Variants in KDM1A observed in about 807,000 individuals in gnomAD.
The protein encoded by KDM1A is lysine-specific histone demethylase 1A.
KDM1A carries 49 observed loss-of-function variants against 109.4 expected under a neutral mutation model. The ratio of observed to expected loss-of-function variants is 0.45; its 90% CI spans 0.36 to 0.57. The LOEUF (loss-of-function observed/expected upper bound fraction) is 0.57, where lower values mean the gene tolerates loss of function less well. Ranked by LOEUF, KDM1A falls within the 20% of genes least tolerant of loss-of-function variation. The pLI is 0.00. For synonymous variants in KDM1A, 380 were observed against 415.4 expected (o/e 0.91, Z 1.04); for missense variants, 668 against 1,116.6 (o/e 0.60, Z 5.73).
rs1557599843 is a variant in KDM1A at position 23,079,317 on chromosome 1, AGTT to A, written c.2055+142_2055+144del. The stretch of plus-strand genomic sequence containing the variant: ...TGTGACATCAGGGCTGAGGCGTGTC[AGTT>A]GATTCTCTTCAGTGCCTAAGTCTAT... On this transcript the variant is annotated intron_variant, in intron 17 of 20. Transcript: ENST00000400181. The surrounding 1 kb of genome is among the most constrained non-coding windows in gnomAD (Gnocchi z 5.6). 4.8e-6 allele frequency: 4 copies of A among 826,320 alleles called. No homozygotes were observed. Among genetic ancestry groups the A allele is most frequent in the Non-Finnish European group, 3.8e-6 (2 of 528,762 alleles). 51.2% of individuals were successfully genotyped at this position (826,320 alleles called of 1,614,324 possible).
chr1:23,026,394 GTT>G (rs754619806), intron 1 of KDM1A, among the ~76,000 whole-genome samples: 3,217 of 61,546 alleles, frequency 0.052, 50 homozygotes, highest in Non-Finnish European at 0.096. Context: ...TTGTCTGTTT[GTT>G]TTTTTTTTTT....
At chr1:23,027,283 T>C (rs1204244652) in intron 1 of KDM1A, among the ~76,000 whole-genome samples, 1 of 152,100 alleles carries the variant, frequency 6.6e-6, no homozygotes, top group African/African-American at 2.4e-5. Context: ...TCCATTTTTT[T>C]CCCCCAGCGA....
chr1:23,055,236 A>G, intron 6 of KDM1A, 75 bp downstream of exon 6: 1 of 750,840 alleles, frequency 1.3e-6, no homozygotes. Flanking sequence ...TATATCTATG[A>G]TGACGTTAGG....
At chr1:23,053,949 T>C (rs757240644) in intron 5 of KDM1A, 110 bp downstream of exon 5, 3 of 680,628 alleles carry the variant, frequency 4.4e-6, no homozygotes, top group Non-Finnish European at 8.0e-6. Context: ...CATATTTCCA[T>C]GTTATTTCAC....
intron 3 of KDM1A, among the ~76,000 whole-genome samples, chr1:23,046,302 C>T (rs557044755): frequency 1.3e-5 from 2 of 152,208 alleles, no homozygotes; most frequent in South Asian, 4.1e-4. Flanking sequence ...ATTCTCTTTT[C>T]GTTTTCTCTC....
chr1:23,022,497 G>A (rs939872114), intron 1 of KDM1A, among the ~76,000 whole-genome samples: 3 of 151,526 alleles, frequency 2.0e-5, no homozygotes, highest in Non-Finnish European at 2.9e-5. Flanking sequence ...CACCATGCCC[G>A]GCTAACTTTG....
In KDM1A at chr1:23,022,917, C is replaced by G. The variant is rs144396202; in HGVS notation, c.351+2970C>G. Among the ~76,000 whole-genome samples, 9 of 152,256 alleles carry G rather than the reference C, an allele frequency of 5.9e-5. No homozygotes were observed. The East Asian group carries it at 1.7e-3, about 29-fold the overall frequency. On this transcript the variant is annotated intron_variant, in intron 1 of 20. Coordinates refer to ENST00000400181, the MANE Select transcript of KDM1A (RefSeq NM_001009999.3). ...CAAGCCATCCACCCACATCGGCCTC[C>G]CAAAGTGCTGGGATTACAGGTGGAG...
intron 1 of KDM1A, among the ~76,000 whole-genome samples, chr1:23,027,089 G>A (rs1420632093): frequency 6.6e-6 from 1 of 151,742 alleles, no homozygotes; most frequent in African/African-American, 2.4e-5. Context: ...TATTAAATGA[G>A]GAAAGCCTTT....
chr1:23,063,856 G>C (rs186952031), intron 9 of KDM1A, among the ~76,000 whole-genome samples: 3 of 152,132 alleles, frequency 2.0e-5, no homozygotes, highest in East Asian at 1.9e-4. Flanking sequence ...GGGTGGGAGT[G>C]GGGGGAAGAC....
At chr1:23,026,459 G>T (rs1323123608) in intron 1 of KDM1A, among the ~76,000 whole-genome samples, 6 of 150,334 alleles carry the variant, frequency 4.0e-5, no homozygotes, top group Non-Finnish European at 8.9e-5. Context: ...GCCCGATCAT[G>T]GCTCACTGCA....
Position 23,059,294 on chromosome 1 carries a change from G to T in KDM1A, c.1167+127G>T. 3.9e-6 allele frequency: 3 copies of T among 763,232 alleles called. No homozygotes were observed. The South Asian group carries it at 4.2e-5, about 11-fold the overall frequency. The allele number at this position is 763,232 out of a possible 1,614,324, so 47.3% of individuals were successfully genotyped here. ...AGGTGTATATATATATAAACTGAGG[G>T]TAGAGATGATGTGATGTTATTCTGG... On this transcript the variant is annotated intron_variant, in intron 9 of 20. Transcript: ENST00000400181.
At chr1:23,041,435 C>CTTTTTTTTTTTTTTTTTTTTTTTT (rs66720696) in intron 2 of KDM1A, among the ~76,000 whole-genome samples, 1 of 53,006 alleles carries the variant, frequency 1.9e-5, no homozygotes, top group Non-Finnish European at 3.2e-5. Context: ...TCTTTTCTTG[C>CTTTTTTTTTTTTTTTTTTTTTTTT]TTTTTTTTTT....
chr1:23,050,389 G>A lies in KDM1A; in HGVS notation c.580G>A (p.Val194Met). The change falls in exon 4 of 21, where the codon GTG becomes ATG. Residue 194 changes from valine (V) to methionine (M), a missense_variant and splice_region_variant. This residue lies in a region of KDM1A where 149 missense variants were observed against 189.7 expected (regional missense o/e 0.79). Transcript: ENST00000400181. ...GGYGDGQASG[V>M]EGAAFQSRLP... ...ATGTCCTTTGCTTTCTTCGTTAGGTGTGGAGGGCGCAGCTTTCCAGAGCCG... is the reference window on the plus strand; with the variant it reads ...ATGTCCTTTGCTTTCTTCGTTAGGTATGGAGGGCGCAGCTTTCCAGAGCCG... The A allele has an allele frequency of 6.2e-7, 1 of 1,608,344 alleles. No individual in the cohort carries two copies. Among genetic ancestry groups the A allele is most frequent in the Non-Finnish European group, 8.5e-7 (1 of 1,177,678 alleles).
At chr1:23,034,941 G>A (rs906139864) in intron 2 of KDM1A, among the ~76,000 whole-genome samples, 1 of 152,078 alleles carries the variant, frequency 6.6e-6, no homozygotes, top group East Asian at 1.9e-4. Context: ...ATTTTTCTAG[G>A]CTCCTTGATG....
intron 1 of KDM1A, among the ~76,000 whole-genome samples, chr1:23,025,756 G>C (rs765261514): frequency 6.6e-6 from 1 of 152,168 alleles, no homozygotes; most frequent in Admixed American, 6.5e-5. Context: ...TGGTAGAGCA[G>C]CATTGAGGAC....
chr1:23,031,646 C>T (rs531251843), intron 2 of KDM1A, among the ~76,000 whole-genome samples: 2 of 151,958 alleles, frequency 1.3e-5, no homozygotes, highest in Non-Finnish European at 2.9e-5. Context: ...TGATGCTTCA[C>T]TTTAGGGCAT....
intron 14 of KDM1A, among the ~76,000 whole-genome samples, chr1:23,073,075 A>G (rs562406977): frequency 6.6e-6 from 1 of 151,994 alleles, no homozygotes; most frequent in African/African-American, 2.4e-5. Flanking sequence ...TGAGGCCTAC[A>G]TGTAATTTGC....
intron 9 of KDM1A, among the ~76,000 whole-genome samples, chr1:23,063,225 T>TGGGG (rs1643062928): frequency 1.9e-5 from 1 of 51,518 alleles, no homozygotes; most frequent in Non-Finnish European, 4.2e-5. Flanking sequence ...GGGGTGGGTG[T>TGGGG]GTGTGGGTGT....
At chr1:23,034,113 T>C (rs369547939) in intron 2 of KDM1A, among the ~76,000 whole-genome samples, 5 of 152,212 alleles carry the variant, frequency 3.3e-5, no homozygotes, top group South Asian at 2.1e-4. Flanking sequence ...TAATGTGATA[T>C]TGTAGTCCTA....
Sources: gnomAD v4.1 joint callset for allele counts (sites outside exome capture counted in the v4.1 genomes callset) on GRCh38, gnomAD v4.1.1 for gene constraint, gnomAD v4.1.1 regional missense constraint, Gnocchi (gnomAD v3.1) non-coding constraint, MANE v1.5 for transcripts, NCBI Gene and HGNC (gene_info 2026-07-23, HGNC 2026-07-21) for gene names.